Variants in TMPRSS15 observed in about 807,000 individuals in gnomAD.
TMPRSS15 encodes the protein transmembrane serine protease 15, also known as enteropeptidase.
Under a neutral mutation model 125.3 loss-of-function variants are expected in TMPRSS15, and 128 were observed. That is an observed-to-expected ratio of 1.02 (90% confidence interval 0.89 to 1.18). TMPRSS15 has a LOEUF of 1.18. TMPRSS15 is among the 50% of genes most tolerant of loss of function. TMPRSS15 has a pLI of 0.00. For synonymous variants in TMPRSS15, 446 were observed against 423.2 expected, an observed-to-expected ratio of 1.05 and a Z score of -0.66; for missense variants, 1,283 against 1,212.7, an observed-to-expected ratio of 1.06 and a Z score of -0.86.
chr21:18,334,710 T>C (rs907906194), intron 13 of TMPRSS15, among the ~76,000 whole-genome samples: 25 of 152,300 alleles, frequency 1.6e-4, no homozygotes, highest in Non-Finnish European at 3.4e-4. Flanking sequence ...CACAGCCACC[T>C]AGTGTCAAAG....
At position 18,341,330 on chromosome 21, in the gene TMPRSS15, C is replaced by T. The variant is rs558654435; in HGVS notation, c.1564+83G>A. 33 of 1,564,474 alleles carry T rather than the reference C, an allele frequency of 2.1e-5. No homozygotes were observed. The East Asian group carries it at 5.2e-4, about 24-fold the overall frequency. On this transcript the variant is annotated intron_variant, in intron 13 of 24. Coordinates refer to ENST00000284885, the MANE Select transcript of TMPRSS15 (RefSeq NM_002772.3). ...AAGCAATCCTCCTGCTTCAGCCTCCCGAAGTGCTGGAATTATAGCTGTGAG... is the reference window on the plus strand; with the variant it reads ...AAGCAATCCTCCTGCTTCAGCCTCCTGAAGTGCTGGAATTATAGCTGTGAG...
At chr21:18,288,836 G>A (rs982094733) in intron 21 of TMPRSS15, among the ~76,000 whole-genome samples, 2 of 151,756 alleles carry the variant, frequency 1.3e-5, no homozygotes, top group African/African-American at 4.8e-5. Flanking sequence ...ACACCCGGCC[G>A]CTCTTCCTCT....
At chr21:18,365,090 A>G (rs1323607011) in intron 7 of TMPRSS15, 50 bp downstream of exon 7, 1 of 1,496,388 alleles carries the variant, frequency 6.7e-7, no homozygotes, top group Non-Finnish European at 9.3e-7. Flanking sequence ...ACGTTGCATC[A>G]GAAAAACGCT....
intron 22 of TMPRSS15, 114 bp downstream of exon 22, chr21:18,280,926 G>T: frequency 1.7e-6 from 2 of 1,148,712 alleles, no homozygotes; most frequent in South Asian, 2.6e-5. Context: ...AATGATTTAT[G>T]TAACAAATTA....
At position 18,459,512 on chromosome 21, in the gene TMPRSS15, G is replaced by A. The variant is rs1027934328; in HGVS notation, c.10+26287C>T. Among the ~76,000 whole-genome samples, 3 of 152,090 alleles carry A rather than the reference G, an allele frequency of 2.0e-5. No individual in the cohort carries two copies. In the East Asian group the frequency reaches 5.8e-4, roughly 29 times the overall value. On this transcript the variant is annotated intron_variant, in intron 1 of 7. Coordinates refer to the TMPRSS15 transcript ENST00000422787. ...TAGTCTCGAACTCCTGGCCTCAAGTGATCCACCTGCCTCATCCTCCCAAAG... is the reference window on the plus strand; with the variant it reads ...TAGTCTCGAACTCCTGGCCTCAAGTAATCCACCTGCCTCATCCTCCCAAAG...
chr21:18,386,542 C>T (rs1255462651), intron 3 of TMPRSS15, among the ~76,000 whole-genome samples: 1 of 152,062 alleles, frequency 6.6e-6, no homozygotes, highest in Non-Finnish European at 1.5e-5. Flanking sequence ...GCAATACTTC[C>T]AAAAGATAGA....
intron 1 of TMPRSS15, among the ~76,000 whole-genome samples, chr21:18,436,451 T>A (rs1357009874): frequency 6.6e-6 from 1 of 151,720 alleles, no homozygotes; most frequent in Non-Finnish European, 1.5e-5. Context: ...TTTGAGTGAG[T>A]TTCTTAATCT....
chr21:18,325,072 C>CCA (rs150514804), intron 16 of TMPRSS15, among the ~76,000 whole-genome samples: 5,165 of 149,490 alleles, frequency 0.035, 105 homozygotes, highest in Middle Eastern at 0.078. Flanking sequence ...TAAATTCTCG[C>CCA]CACACACACA....
At chr21:18,346,101 A>G (rs1349003124) in intron 10 of TMPRSS15, among the ~76,000 whole-genome samples, 4 of 152,130 alleles carry the variant, frequency 2.6e-5, no homozygotes, top group African/African-American at 9.7e-5. Context: ...AAAATAATAT[A>G]TAACATTAAA....
intron 3 of TMPRSS15, among the ~76,000 whole-genome samples, chr21:18,385,114 C>T (rs918774628): frequency 3.3e-5 from 5 of 152,020 alleles, no homozygotes; most frequent in Non-Finnish European, 5.9e-5. Flanking sequence ...TTATAATTCA[C>T]ATGTATTAAA....
intron 16 of TMPRSS15, among the ~76,000 whole-genome samples, chr21:18,317,138 CAAATTATA>C (rs1248462748): frequency 1.3e-5 from 2 of 152,028 alleles, no homozygotes; most frequent in Admixed American, 6.5e-5. Flanking sequence ...ATTTCAGAAA[CAAATTATA>C]AAAATATCCA....
intron 18 of TMPRSS15, among the ~76,000 whole-genome samples, chr21:18,298,277 A>G (rs2074929332): frequency 6.6e-6 from 1 of 152,152 alleles, no homozygotes; most frequent in Non-Finnish European, 1.5e-5. Flanking sequence ...TCATCTTTTT[A>G]AAAGTGCATG....
At chr21:18,413,278 C>CTTTTTCTTTCTT (rs1569064008) in intron 1 of TMPRSS15, among the ~76,000 whole-genome samples, 7 of 106,310 alleles carry the variant, frequency 6.6e-5, no homozygotes, top group African/African-American at 2.2e-4. Flanking sequence ...CTTTCTTTTT[C>CTTTTTCTTTCTT]TTTTTCTTTC....
At chr21:18,315,773 A>G (rs71319685) in intron 16 of TMPRSS15, among the ~76,000 whole-genome samples, 130 of 117,276 alleles carry the variant, frequency 1.1e-3, no homozygotes, top group East Asian at 3.0e-3. Flanking sequence ...CAGCACACCA[A>G]CATGGCACAT....
chr21:18,297,218 C>G (rs893691913), intron 19 of TMPRSS15, among the ~76,000 whole-genome samples: 1 of 152,090 alleles, frequency 6.6e-6, no homozygotes, highest in Non-Finnish European at 1.5e-5. Context: ...AACCTAATAT[C>G]AAAAAGTAAA....
chr21:18,341,021 A>G (rs915147199), intron 13 of TMPRSS15, among the ~76,000 whole-genome samples: 2 of 152,154 alleles, frequency 1.3e-5, no homozygotes, highest in African/African-American at 2.4e-5. Context: ...TGAGATAATA[A>G]GCCAAAGGAA....
intron 1 of TMPRSS15, among the ~76,000 whole-genome samples, chr21:18,484,264 G>A (rs1979036983): frequency 1.3e-5 from 2 of 151,772 alleles, no homozygotes; most frequent in South Asian, 2.1e-4. Flanking sequence ...GGATACGATA[G>A]CAAAACAAAA....
At chr21:18,366,307 T>C (rs13050461) in intron 6 of TMPRSS15, among the ~76,000 whole-genome samples, 38,823 of 152,090 alleles carry the variant, frequency 0.26, 5,120 homozygotes, top group Middle Eastern at 0.31. Flanking sequence ...AATCTGTTAG[T>C]CCATCTTTTA....
Position 18,270,637 on chromosome 21 carries a change from A to G in TMPRSS15, c.2905-513T>C, listed in dbSNP as rs187869453. Reference sequence around the variant, plus strand: ...GCTCAACAAACACCATCCGATTTGAAAAACATTTCAACTGAAATAAGGAAG... The same window carrying G: ...GCTCAACAAACACCATCCGATTTGAGAAACATTTCAACTGAAATAAGGAAG... On this transcript the variant is annotated intron_variant, in intron 24 of 24. Coordinates refer to ENST00000284885, the MANE Select transcript of TMPRSS15 (RefSeq NM_002772.3). Among the ~76,000 whole-genome samples the G allele has an allele frequency of 3.8e-3, 585 of 152,314 alleles. 7 individuals carry two copies. The highest frequency in any genetic ancestry group is 5.6e-3 in the Non-Finnish European group (383 of 68,030).
Sources: gnomAD v4.1 joint callset for allele counts (sites outside exome capture counted in the v4.1 genomes callset) on GRCh38, gnomAD v4.1.1 for gene constraint, MANE v1.5 for transcripts, NCBI Gene and HGNC (gene_info 2026-07-23, HGNC 2026-07-21) for gene names.